GRID2: variants seen among roughly 807,000 people sequenced by gnomAD.
GRID2 encodes glutamate receptor ionotropic, delta-2.
GRID2 carries 33 observed loss-of-function variants against 114.8 expected under a neutral mutation model. That is an observed-to-expected ratio of 0.29 (90% confidence interval 0.22 to 0.38). The LOEUF (loss-of-function observed/expected upper bound fraction) is 0.38, where lower values mean the gene tolerates loss of function less well. Ranked by LOEUF, GRID2 falls within the 10% of genes least tolerant of loss-of-function variation. GRID2 has a pLI of 1.00. For synonymous variants in GRID2, 505 were observed against 449.9 expected (o/e 1.12, Z -1.55); for missense variants, 1,184 against 1,257.7 (o/e 0.94, Z 0.89).
chr4:92,582,605 A>T (rs1319026578), intron 1 of GRID2, among the ~76,000 whole-genome samples: 1 of 152,048 alleles, frequency 6.6e-6, no homozygotes, highest in African/African-American at 2.4e-5. Context: ...ATAAAATTTT[A>T]TAAAACAAAA....
chr4:93,589,032 T>C (rs199822573), intron 13 of GRID2, among the ~76,000 whole-genome samples: 5 of 96,940 alleles, frequency 5.2e-5, no homozygotes, highest in African/African-American at 6.3e-5. Context: ...ACTCCCCTGC[T>C]TTTTTTTTTA....
chr4:93,615,056 A>T (rs1741460083), intron 13 of GRID2, among the ~76,000 whole-genome samples: 1 of 152,196 alleles, frequency 6.6e-6, no homozygotes, highest in Admixed American at 6.5e-5. Flanking sequence ...AGCCTGCATT[A>T]CGTTGATTCT....
At chr4:93,733,183 T>C (rs1730637759) in intron 14 of GRID2, among the ~76,000 whole-genome samples, 1 of 152,142 alleles carries the variant, frequency 6.6e-6, no homozygotes, top group East Asian at 1.9e-4. Flanking sequence ...GAGCAATTGG[T>C]CACTTGTGGG....
At position 93,585,238 on chromosome 4, in the gene GRID2, G is replaced by C. The variant is rs149440966; in HGVS notation, c.2194-41031G>C. ...TCACCTCCTGTTACGATTCTTCAAA[G>C]AAATCCCTCAGGATCTTGATCTCAT... On this transcript the variant is annotated intron_variant, in intron 13 of 15. Coordinates refer to ENST00000282020, the MANE Select transcript of GRID2 (RefSeq NM_001510.4). Among the ~76,000 whole-genome samples, 383 of 152,180 alleles carry C rather than the reference G, an allele frequency of 2.5e-3. 1 individual carries two copies. The highest frequency in any genetic ancestry group is 4.5e-3 in the Non-Finnish European group (308 of 67,978).
intron 1 of GRID2, among the ~76,000 whole-genome samples, chr4:92,541,547 A>G (rs1249841729): frequency 1.3e-5 from 2 of 152,034 alleles, no homozygotes; most frequent in African/African-American, 2.4e-5. Context: ...ATAGCAATCT[A>G]TGTTCATATT....
chr4:92,336,237 C>A (rs73839287), intron 1 of GRID2, among the ~76,000 whole-genome samples: 2,526 of 152,200 alleles, frequency 0.017, 65 homozygotes, highest in African/African-American at 0.057. Flanking sequence ...CCTTTTCTAA[C>A]CCCTTTTTCA....
At chr4:92,956,165 T>G (rs185508479) in intron 2 of GRID2, among the ~76,000 whole-genome samples, 34 of 152,282 alleles carry the variant, frequency 2.2e-4, no homozygotes, top group Admixed American at 6.5e-4. Context: ...TAATATACCA[T>G]CTGTCATTAA....
intron 8 of GRID2, among the ~76,000 whole-genome samples, chr4:93,375,904 C>T (rs1763335126): frequency 6.6e-6 from 1 of 152,094 alleles, no homozygotes; most frequent in Non-Finnish European, 1.5e-5. Context: ...GCTGAAACGA[C>T]AAAAATTTGA....
At chr4:93,472,292 T>C (rs1445709970) in intron 11 of GRID2, among the ~76,000 whole-genome samples, 4 of 151,844 alleles carry the variant, frequency 2.6e-5, no homozygotes, top group African/African-American at 7.3e-5. Context: ...CATTGCACTC[T>C]AACCTGGGCA....
intron 4 of GRID2, among the ~76,000 whole-genome samples, chr4:93,124,634 C>A (rs1253711567): frequency 6.6e-6 from 1 of 152,096 alleles, no homozygotes; most frequent in Non-Finnish European, 1.5e-5. Flanking sequence ...TACTTACTGA[C>A]AAAATCAATA....
chr4:93,719,053 A>C (rs1729140235), intron 14 of GRID2, among the ~76,000 whole-genome samples: 1 of 151,818 alleles, frequency 6.6e-6, no homozygotes. Flanking sequence ...TATTATACGA[A>C]ATATAAATGT....
intron 4 of GRID2, among the ~76,000 whole-genome samples, chr4:93,205,683 T>A (rs1268406948): frequency 2.6e-5 from 4 of 152,132 alleles, no homozygotes; most frequent in East Asian, 1.9e-4. Context: ...AGTAATGGGA[T>A]GGCTGGGTCA....
chr4:92,463,719 A>G (rs1721606822), intron 1 of GRID2, among the ~76,000 whole-genome samples: 1 of 151,862 alleles, frequency 6.6e-6, no homozygotes, highest in Admixed American at 6.6e-5. Context: ...TTGTGTAGAG[A>G]ATCTTGTATT....
intron 10 of GRID2, among the ~76,000 whole-genome samples, chr4:93,451,660 GA>G (rs1351285316): frequency 6.6e-6 from 1 of 152,066 alleles, no homozygotes; most frequent in Admixed American, 6.6e-5. Context: ...GGAGACTGAA[GA>G]GGAAGAAAGG....
intron 14 of GRID2, among the ~76,000 whole-genome samples, chr4:93,682,421 C>T (rs1175781290): frequency 1.3e-5 from 2 of 151,536 alleles, no homozygotes; most frequent in African/African-American, 4.9e-5. Flanking sequence ...CCCAGCCATC[C>T]CATTACTGGG....
chr4:92,316,257 C>T (rs1725973784), intron 1 of GRID2, among the ~76,000 whole-genome samples: 1 of 152,080 alleles, frequency 6.6e-6, no homozygotes, highest in Non-Finnish European at 1.5e-5. Flanking sequence ...CAGCATAGCC[C>T]AGTAGAAGCA....
intron 10 of GRID2, among the ~76,000 whole-genome samples, chr4:93,423,953 C>T (rs1035505089): frequency 6.6e-6 from 1 of 151,756 alleles, no homozygotes; most frequent in African/African-American, 2.4e-5. Flanking sequence ...GATTTTATTG[C>T]TCTTACTGCC....
intron 4 of GRID2, among the ~76,000 whole-genome samples, chr4:93,135,579 A>G (rs143991215): frequency 6.6e-6 from 1 of 152,272 alleles, no homozygotes; most frequent in East Asian, 1.9e-4. Context: ...TCTGCTTTCT[A>G]GTTGAAAATT....
intron 14 of GRID2, among the ~76,000 whole-genome samples, chr4:93,693,360 A>G (rs749888131): frequency 2.0e-5 from 3 of 152,204 alleles, no homozygotes; most frequent in Non-Finnish European, 2.9e-5. Flanking sequence ...TTAATACTGG[A>G]ATCCGCAAGC....
Sources: allele counts gnomAD v4.1 joint callset (sites outside exome capture counted in the v4.1 genomes callset), GRCh38; gene constraint gnomAD v4.1.1; transcripts MANE v1.5; gene names NCBI Gene and HGNC (gene_info 2026-07-23, HGNC 2026-07-21).